Variants in PTK2B observed in about 807,000 individuals in gnomAD.
The protein encoded by PTK2B is protein tyrosine kinase 2 beta.
In PTK2B, 71 loss-of-function variants were observed where a neutral mutation model predicts 142.9. The observed-to-expected ratio is 0.50, with a 90% CI of 0.41 to 0.61. The LOEUF is 0.61. Ranked by LOEUF, PTK2B falls within the 20% of genes least tolerant of loss-of-function variation. The probability of loss-of-function intolerance (pLI) is 0.00; values close to 1 mark genes in which losing one functional copy is unlikely to be tolerated. For synonymous variants in PTK2B, 519 were observed against 503.4 expected (o/e 1.03, Z -0.42); for missense variants, 1,105 against 1,320.4 (o/e 0.84, Z 2.53).
intron 1 of PTK2B, among the ~76,000 whole-genome samples, chr8:27,378,917 G>C (rs1806841801): frequency 6.6e-6 from 1 of 152,104 alleles, no homozygotes; most frequent in African/African-American, 2.4e-5. Context: ...GTGTGCTTCA[G>C]AAACCTCAAT....
At chr8:27,336,991 C>T (rs1048838070) in intron 1 of PTK2B, among the ~76,000 whole-genome samples, 2 of 150,658 alleles carry the variant, frequency 1.3e-5, no homozygotes, top group African/African-American at 4.9e-5. Context: ...CTCCCCCCGC[C>T]ACTGCCAGTT....
intron 1 of PTK2B, among the ~76,000 whole-genome samples, chr8:27,392,231 G>T (rs535237349): frequency 1.3e-5 from 2 of 152,114 alleles, no homozygotes; most frequent in East Asian, 3.9e-4. Flanking sequence ...GCATTCAGTG[G>T]TGATGTGCAT....
chr8:27,352,766 C>A (rs1805172243), intron 1 of PTK2B, among the ~76,000 whole-genome samples: 1 of 152,178 alleles, frequency 6.6e-6, no homozygotes, highest in Non-Finnish European at 1.5e-5. Context: ...TTGCCTGTTG[C>A]CATCCATGTA....
At chr8:27,401,486 A>G (rs540482974) in intron 2 of PTK2B, among the ~76,000 whole-genome samples, 1 of 152,338 alleles carries the variant, frequency 6.6e-6, no homozygotes, top group South Asian at 2.1e-4. Context: ...GGAGACAGTG[A>G]GTATAAGTAA....
intron 5 of PTK2B, among the ~76,000 whole-genome samples, chr8:27,427,565 A>G (rs1299836569): frequency 6.6e-6 from 1 of 152,234 alleles, no homozygotes; most frequent in Non-Finnish European, 1.5e-5. Context: ...AGTTGTGTAC[A>G]GCAAGCCAAT....
chr8:27,371,226 T>A (rs1806338040), intron 1 of PTK2B, among the ~76,000 whole-genome samples: 1 of 152,140 alleles, frequency 6.6e-6, no homozygotes, highest in Admixed American at 6.5e-5. Context: ...CAGTGGAATG[T>A]CCAGGAGTAA....
Position 27,454,551 on chromosome 8 carries a change from GA to G in PTK2B, c.2756del (p.Lys919SerfsTer47). 6.2e-7 allele frequency: 1 copy of G among 1,614,208 alleles called. No individual in the cohort carries two copies. Among genetic ancestry groups the G allele is most frequent in the Non-Finnish European group, 8.5e-7 (1 of 1,180,028 alleles). On this transcript the variant is annotated frameshift_variant, in exon 30 of 31. Coordinates refer to ENST00000346049, the MANE Select transcript of PTK2B (RefSeq NM_173176.3). LOFTEE classifies it high-confidence loss of function. ...CCCAGAATGTGGGGCTGACCCTGCGGAAGCTCATCGGGAGCGTGGATGATCT... is the reference window on the plus strand; with the variant it reads ...CCCAGAATGTGGGGCTGACCCTGCGGAGCTCATCGGGAGCGTGGATGATCT... ...VVKNVGLTLR[K>X]LIGSVDDLLP...
chr8:27,338,337 A>G (rs1804199728), intron 1 of PTK2B, among the ~76,000 whole-genome samples: 1 of 152,056 alleles, frequency 6.6e-6, no homozygotes, highest in Admixed American at 6.5e-5. Context: ...GAGGGAGCTA[A>G]GCTATGAAGA....
intron 1 of PTK2B, among the ~76,000 whole-genome samples, chr8:27,371,169 C>T (rs548725631): frequency 6.6e-6 from 1 of 152,316 alleles, no homozygotes; most frequent in Non-Finnish European, 1.5e-5. Context: ...GCTGGGATTA[C>T]AGGCATGAGC....
chr8:27,433,699 C>G (rs770031899), intron 11 of PTK2B, 147 bp downstream of exon 11: 7 of 729,618 alleles, frequency 9.6e-6, no homozygotes, highest in Non-Finnish European at 1.6e-5. Flanking sequence ...TCCAGTGGGC[C>G]CATCTTAGGC....
intron 2 of PTK2B, among the ~76,000 whole-genome samples, chr8:27,416,526 T>A (rs1182856710): frequency 3.4e-5 from 2 of 58,046 alleles, no homozygotes; most frequent in East Asian, 6.7e-4. Flanking sequence ...AAATTAAAAC[T>A]GTGAAGTTTA....
chr8:27,446,307 G>A (rs1363968094), intron 24 of PTK2B, among the ~76,000 whole-genome samples: 2 of 152,158 alleles, frequency 1.3e-5, no homozygotes, highest in East Asian at 1.9e-4. Flanking sequence ...GATGGCTTTG[G>A]GTGTGAAATC....
At chr8:27,336,027 G>T (rs957280489) in intron 1 of PTK2B, among the ~76,000 whole-genome samples, 8 of 152,156 alleles carry the variant, frequency 5.3e-5, no homozygotes, top group Non-Finnish European at 1.0e-4. Flanking sequence ...CTCGTGAGGT[G>T]CTCATTGTGT....
At chr8:27,389,276 GA>G (rs1427312793) in intron 1 of PTK2B, among the ~76,000 whole-genome samples, 2 of 152,060 alleles carry the variant, frequency 1.3e-5, no homozygotes, top group Non-Finnish European at 2.9e-5. Flanking sequence ...AAGGAAAGAA[GA>G]AAGGAGGGAG....
intron 1 of PTK2B, among the ~76,000 whole-genome samples, chr8:27,334,061 C>T (rs974808695): frequency 5.3e-5 from 8 of 152,138 alleles, no homozygotes; most frequent in East Asian, 1.9e-4. Flanking sequence ...CCTCTTTCCA[C>T]GCCCCCACTT....
At chr8:27,433,612 A>AGAGGC in intron 11 of PTK2B, 60 bp downstream of exon 11, 1 of 1,426,908 alleles carries the variant, frequency 7.0e-7, no homozygotes, top group Non-Finnish European at 9.8e-7. Context: ...CCGAGTCCCC[A>AGAGGC]GAGGCGGAGT....
At chr8:27,319,245 T>C (rs1803155101) in intron 3 of PTK2B, among the ~76,000 whole-genome samples, 1 of 152,062 alleles carries the variant, frequency 6.6e-6, no homozygotes, top group Non-Finnish European at 1.5e-5. Context: ...TTATCAACTT[T>C]GCTATTTTCG....
At chr8:27,379,390 G>T (rs892289041) in intron 1 of PTK2B, among the ~76,000 whole-genome samples, 71 of 152,076 alleles carry the variant, frequency 4.7e-4, no homozygotes, top group Non-Finnish European at 2.9e-5. Context: ...CCATGCCGGG[G>T]TCTTTTTAAA....
At position 27,426,791 on chromosome 8, in the gene PTK2B, T is replaced by C. The variant is rs147184235; in HGVS notation, c.552-3302T>C. On this transcript the variant is annotated intron_variant, in intron 5 of 30. Transcript: ENST00000346049. Reference sequence around the variant, plus strand: ...ACCTTGATGTGCTAGCTGAGCTTCCTTTACCCTAATAAAACATTTTTCCAT... The same window carrying C: ...ACCTTGATGTGCTAGCTGAGCTTCCCTTACCCTAATAAAACATTTTTCCAT... Among the ~76,000 whole-genome samples, 381 of 152,300 alleles carry C rather than the reference T, an allele frequency of 2.5e-3. 1 individual carries two copies. Among genetic ancestry groups the C allele is most frequent in the Middle Eastern group, 6.8e-3 (2 of 294 alleles).
Sources: gnomAD v4.1 joint callset for allele counts (sites outside exome capture counted in the v4.1 genomes callset) on GRCh38, gnomAD v4.1.1 for gene constraint, MANE v1.5 for transcripts, NCBI Gene and HGNC (gene_info 2026-07-23, HGNC 2026-07-21) for gene names.